The following RIC8B variants were observed in gnomAD, a reference collection of about 807,000 sequenced individuals.
The protein encoded by RIC8B is RIC8 guanine nucleotide exchange factor B, also known as chaperone Ric-8B.
In RIC8B, 16 loss-of-function variants were observed where a neutral mutation model predicts 57.5. That is an observed-to-expected ratio of 0.28 (90% confidence interval 0.19 to 0.42). The LOEUF (loss-of-function observed/expected upper bound fraction) is 0.42. Among genes scored for constraint, RIC8B ranks in the 10% least tolerant of loss-of-function variants. RIC8B has a pLI of 1.00. For missense variants in RIC8B, 481 were observed against 677.0 expected, an observed-to-expected ratio of 0.71 and a Z score of 3.21; for synonymous variants, 216 against 250.8, an observed-to-expected ratio of 0.86 and a Z score of 1.31.
intron 2 of RIC8B, among the ~76,000 whole-genome samples, chr12:106,793,213 C>T (rs1824212529): frequency 6.6e-6 from 1 of 152,206 alleles, no homozygotes. Flanking sequence ...TGTACCTTTA[C>T]TTCAGTTGAG....
chr12:106,838,973 A>G (rs565466987), intron 4 of RIC8B, among the ~76,000 whole-genome samples: 31 of 149,568 alleles, frequency 2.1e-4, no homozygotes, highest in African/African-American at 7.5e-4. Context: ...ATACCTTGTT[A>G]GAAGGGTTAT....
chr12:106,808,878 G>GTA (rs1341443138), intron 2 of RIC8B, among the ~76,000 whole-genome samples: 1 of 152,084 alleles, frequency 6.6e-6, no homozygotes, highest in African/African-American at 2.4e-5. Flanking sequence ...TCTTAAGATA[G>GTA]TATATAAATC....
intron 9 of RIC8B, chr12:106,872,932 A>T: frequency 1.5e-6 from 1 of 677,314 alleles, no homozygotes; most frequent in Non-Finnish European, 1.8e-6. Flanking sequence ...AGTATAATCC[A>T]GATACTTGGC....
At chr12:106,799,886 C>T (rs528588086) in intron 2 of RIC8B, among the ~76,000 whole-genome samples, 4 of 152,154 alleles carry the variant, frequency 2.6e-5, no homozygotes, top group Middle Eastern at 3.4e-3. Context: ...GTCAAAATAC[C>T]GTAGACTGTA....
intron 2 of RIC8B, among the ~76,000 whole-genome samples, chr12:106,795,378 A>G (rs1045378965): frequency 2.6e-5 from 4 of 152,162 alleles, no homozygotes; most frequent in Admixed American, 2.6e-4. Context: ...GGCAAAAGAA[A>G]GAAAAGAAAA....
At chr12:106,874,459 A>T (rs1389998342) in intron 9 of RIC8B, 1 of 1,542,300 alleles carries the variant, frequency 6.5e-7, no homozygotes, top group Non-Finnish European at 8.8e-7. Flanking sequence ...GACACTAGAC[A>T]CTTCCTTTTT....
At chr12:106,782,477 C>A (rs1320659777) in intron 1 of RIC8B, among the ~76,000 whole-genome samples, 2 of 152,206 alleles carry the variant, frequency 1.3e-5, no homozygotes, top group Non-Finnish European at 2.9e-5. Flanking sequence ...TTTAATCTGG[C>A]CTGTGAGCTA....
chr12:106,885,072 C>T lies in RIC8B; in HGVS notation c.1572-832C>T, dbSNP rs1268919690. On this transcript the variant is annotated intron_variant, in intron 9 of 9. Coordinates refer to ENST00000392837, the MANE Select transcript of RIC8B (RefSeq NM_001330145.2). ...ACTGGAGTTAGCAACTCAACAGGTA[C>T]ATTCACCATAATCTCCATGTAATAA... Among the ~76,000 whole-genome samples the T allele has an allele frequency of 2.6e-5, 4 of 152,172 alleles. No individual in the cohort carries two copies. In the East Asian group the frequency reaches 5.8e-4, roughly 22 times the overall value.
chr12:106,780,919 G>A (rs762911887), intron 1 of RIC8B, among the ~76,000 whole-genome samples: 47 of 150,232 alleles, frequency 3.1e-4, no homozygotes, highest in Admixed American at 2.2e-3. Flanking sequence ...AATTTGATAG[G>A]TAGTAAAGTT....
At chr12:106,832,706 T>TG (rs532013091) in intron 4 of RIC8B, among the ~76,000 whole-genome samples, 10 of 152,242 alleles carry the variant, frequency 6.6e-5, no homozygotes, top group Non-Finnish European at 1.3e-4. Flanking sequence ...GATAGATAGA[T>TG]GATCTTGCTG....
intron 3 of RIC8B, among the ~76,000 whole-genome samples, chr12:106,818,075 A>G (rs1461884259): frequency 6.6e-6 from 1 of 152,248 alleles, no homozygotes; most frequent in East Asian, 1.9e-4. Flanking sequence ...TATGAAAATA[A>G]TATATGCTCA....
In RIC8B at chr12:106,803,214, T is replaced by TAAA. The variant is rs758690591; in HGVS notation, c.133-11482_133-11481insAAA. ...GTGACAAGAGTGATGATACCCTGTC[T>TAAA]CAAAAAAAAAAAAAAAAAAAAAAAG... On this transcript the variant is annotated intron_variant, in intron 2 of 9. Transcript: ENST00000392837. Among the ~76,000 whole-genome samples, 213 of 84,258 alleles carry TAAA rather than the reference T, an allele frequency of 2.5e-3. 11 individuals are homozygous for TAAA. The highest frequency in any genetic ancestry group is 6.7e-3 in the African/African-American group (135 of 20,004). 55.3% of individuals were successfully genotyped at this position (84,258 alleles called of 152,430 possible).
intron 3 of RIC8B, among the ~76,000 whole-genome samples, chr12:106,825,500 G>A (rs2046055043): frequency 6.6e-6 from 1 of 152,202 alleles, no homozygotes; most frequent in Non-Finnish European, 1.5e-5. Context: ...TCTTAAGAAG[G>A]TAAATGAGAG....
chr12:106,830,954 G>A (rs2046329669), intron 4 of RIC8B, among the ~76,000 whole-genome samples: 1 of 152,158 alleles, frequency 6.6e-6, no homozygotes, highest in Non-Finnish European at 1.5e-5. Context: ...GGCAATGTAA[G>A]TATGGTCTGT....
intron 9 of RIC8B, chr12:106,873,103 CACCTGATTTAA>C (rs1321727144): frequency 6.1e-6 from 6 of 985,230 alleles, no homozygotes; most frequent in Non-Finnish European, 7.2e-6. Flanking sequence ...CCCCAGCTTC[CACCTGATTTAA>C]ACTATGCCTC....
rs146523620 is a variant in RIC8B at position 106,845,852 on chromosome 12, A to G, written c.1161+1905A>G. ...AGGTGTTTATCAGAGTCACCAACTC[A>G]ACTTTGCCAAAGCTAATAGTTCTCA... On this transcript the variant is annotated intron_variant, in intron 6 of 9. Coordinates refer to ENST00000392837, the MANE Select transcript of RIC8B (RefSeq NM_001330145.2). 2.4e-3 allele frequency among the ~76,000 whole-genome samples: 364 copies of G among 152,272 alleles called. 1 individual carries two copies. Among genetic ancestry groups the G allele is most frequent in the African/African-American group, 8.0e-3 (331 of 41,548 alleles).
At chr12:106,777,121 C>T (rs935701506) in intron 1 of RIC8B, among the ~76,000 whole-genome samples, 2 of 152,192 alleles carry the variant, frequency 1.3e-5, no homozygotes, top group African/African-American at 4.8e-5. Context: ...CCTTGGCCTC[C>T]CAAAGTACTG....
At chr12:106,872,706 C>T (rs901065022) in intron 9 of RIC8B, among the ~76,000 whole-genome samples, 1 of 149,506 alleles carries the variant, frequency 6.7e-6, no homozygotes, top group Non-Finnish European at 1.5e-5. Context: ...CAGAGTCCAT[C>T]TGGTAGAAAC....
At chr12:106,875,458 C>T (rs1428891787) in intron 9 of RIC8B, among the ~76,000 whole-genome samples, 1 of 152,156 alleles carries the variant, frequency 6.6e-6, no homozygotes, top group Non-Finnish European at 1.5e-5. Flanking sequence ...TTAGCTATTG[C>T]ACACAACTTG....
Sources: gnomAD v4.1 joint callset for allele counts (sites outside exome capture counted in the v4.1 genomes callset) on GRCh38, gnomAD v4.1.1 for gene constraint, MANE v1.5 for transcripts, NCBI Gene and HGNC (gene_info 2026-07-23, HGNC 2026-07-21) for gene names.